The following ADCY8 variants were observed in gnomAD, a reference collection of about 807,000 sequenced individuals.
ADCY8 encodes the protein adenylate cyclase 8.
A neutral mutation model predicts 119.7 loss-of-function variants in ADCY8; 51 were observed. The observed-to-expected ratio is 0.43, with a 90% CI of 0.34 to 0.54. The LOEUF (loss-of-function observed/expected upper bound fraction) is 0.54, where lower values mean the gene tolerates loss of function less well. ADCY8 is among the 20% of genes least tolerant of loss of function. ADCY8 has a pLI of 0.03. For missense variants in ADCY8, 1,383 were observed against 1,598.8 expected (o/e 0.87, Z 2.30); for synonymous variants, 665 against 651.0 (o/e 1.02, Z -0.33).
chr8:130,817,439 C>T (rs975911844), intron 13 of ADCY8, among the ~76,000 whole-genome samples: 15 of 152,170 alleles, frequency 9.9e-5, no homozygotes, highest in Admixed American at 9.2e-4. Context: ...CCATTCTTTT[C>T]AGAGGTGCCC....
At chr8:130,967,400 G>A (rs149421034) in intron 2 of ADCY8, among the ~76,000 whole-genome samples, 28 of 152,300 alleles carry the variant, frequency 1.8e-4, no homozygotes, top group Admixed American at 9.1e-4. Context: ...TCAGCAACTC[G>A]CTTGCTCTGT....
chr8:130,864,897 G>A (rs1371275039), intron 9 of ADCY8, among the ~76,000 whole-genome samples: 2 of 151,704 alleles, frequency 1.3e-5, no homozygotes, highest in Middle Eastern at 3.2e-3. Context: ...TTTTTGGTGT[G>A]CCTTGTAATT....
chr8:131,012,639 C>T (rs1461764261), intron 1 of ADCY8, among the ~76,000 whole-genome samples: 1 of 152,176 alleles, frequency 6.6e-6, no homozygotes, highest in African/African-American at 2.4e-5. Context: ...CTGCCAGTCT[C>T]CTTTGAGGAT....
chr8:131,011,071 C>A (rs553194282), intron 1 of ADCY8, among the ~76,000 whole-genome samples: 2 of 151,926 alleles, frequency 1.3e-5, no homozygotes, highest in Admixed American at 1.3e-4. Flanking sequence ...AAGAGGTATA[C>A]CTTGGAAAAT....
chr8:130,922,902 T>G (rs1397004383), intron 5 of ADCY8, among the ~76,000 whole-genome samples: 4 of 152,230 alleles, frequency 2.6e-5, no homozygotes, highest in African/African-American at 9.6e-5. Context: ...GTTTTTATTC[T>G]ATCAGAGCTT....
At chr8:130,996,620 T>G (rs1260862298) in intron 1 of ADCY8, among the ~76,000 whole-genome samples, 1 of 152,006 alleles carries the variant, frequency 6.6e-6, no homozygotes, top group East Asian at 1.9e-4. Context: ...AAAAAGATAA[T>G]TGGTCAACTA....
chr8:130,961,586 T>C (rs1361173102), intron 2 of ADCY8, among the ~76,000 whole-genome samples: 1 of 152,224 alleles, frequency 6.6e-6, no homozygotes, highest in Non-Finnish European at 1.5e-5. Context: ...ACTGTTGCCC[T>C]GCAACACAGA....
chr8:130,946,393 C>T (rs1407987852), intron 3 of ADCY8, among the ~76,000 whole-genome samples: 1 of 152,164 alleles, frequency 6.6e-6, no homozygotes, highest in African/African-American at 2.4e-5. Context: ...GCACCTGTAT[C>T]TTTGTACATG....
chr8:130,786,858 T>C (rs1815262963), intron 15 of ADCY8, among the ~76,000 whole-genome samples: 1 of 152,088 alleles, frequency 6.6e-6, no homozygotes, highest in African/African-American at 2.4e-5. Flanking sequence ...GCTTCAGTTC[T>C]AAAGGGTGAG....
chr8:130,798,029 G>C (rs1815640379), intron 15 of ADCY8, among the ~76,000 whole-genome samples: 1 of 152,178 alleles, frequency 6.6e-6, no homozygotes, highest in African/African-American at 2.4e-5. Flanking sequence ...TCTCAGCTTT[G>C]CTCATTTTTA....
intron 2 of ADCY8, among the ~76,000 whole-genome samples, chr8:130,959,061 T>C (rs1371684766): frequency 1.3e-5 from 2 of 152,194 alleles, no homozygotes; most frequent in Non-Finnish European, 2.9e-5. Context: ...GTCTTTTCAG[T>C]CCACTGTTCT....
chr8:131,029,870 T>G (rs1823943377), intron 1 of ADCY8, among the ~76,000 whole-genome samples: 2 of 133,804 alleles, frequency 1.5e-5, no homozygotes, highest in Admixed American at 8.1e-5. Context: ...GGGGGTGGAG[T>G]AGGGGGTGGC....
intron 11 of ADCY8, among the ~76,000 whole-genome samples, chr8:130,840,237 G>A (rs1041740632): frequency 2.9e-5 from 4 of 138,338 alleles, no homozygotes; most frequent in African/African-American, 9.8e-5. Context: ...TGAGGCTGGG[G>A]TTCAGAAGGC....
At chr8:130,873,093 T>A (rs1052707577) in intron 8 of ADCY8, among the ~76,000 whole-genome samples, 4 of 152,212 alleles carry the variant, frequency 2.6e-5, no homozygotes, top group Non-Finnish European at 5.9e-5. Context: ...GAAGTTCGTT[T>A]ACAGAGGTGA....
chr8:131,011,245 A>AAGGC (rs1454270419), intron 1 of ADCY8, among the ~76,000 whole-genome samples: 1 of 152,328 alleles, frequency 6.6e-6, no homozygotes, highest in East Asian at 1.9e-4. Flanking sequence ...ACTTTCTGAG[A>AAGGC]AGGCTCCTCA....
At chr8:130,895,603 A>G (rs946498252) in intron 7 of ADCY8, among the ~76,000 whole-genome samples, 7 of 152,156 alleles carry the variant, frequency 4.6e-5, no homozygotes, top group Non-Finnish European at 7.4e-5. Flanking sequence ...GGCTGAACTC[A>G]GCAGCTATCC....
At chr8:130,936,642 A>G (rs558206443) in intron 5 of ADCY8, among the ~76,000 whole-genome samples, 1 of 152,318 alleles carries the variant, frequency 6.6e-6, no homozygotes, top group South Asian at 2.1e-4. Flanking sequence ...AGCCTTCCCC[A>G]ACATCCTACG....
At chr8:130,807,900 C>T (rs1045256753) in intron 14 of ADCY8, among the ~76,000 whole-genome samples, 2 of 129,688 alleles carry the variant, frequency 1.5e-5, no homozygotes, top group African/African-American at 2.8e-5. Flanking sequence ...AGGAGAATGG[C>T]GTGAACCCGG....
intron 12 of ADCY8, 71 bp downstream of exon 12, chr8:130,836,206 T>C (rs907131633): frequency 2.5e-5 from 37 of 1,482,592 alleles, no homozygotes; most frequent in Non-Finnish European, 3.2e-5. Flanking sequence ...GCAGCGGGCA[T>C]CATTTTCCCA....
Sources: gnomAD v4.1 joint callset for allele counts (sites outside exome capture counted in the v4.1 genomes callset) on GRCh38, gnomAD v4.1.1 for gene constraint, MANE v1.5 for transcripts, NCBI Gene and HGNC (gene_info 2026-07-23, HGNC 2026-07-21) for gene names.